CSMD1: variants seen among roughly 807,000 people sequenced by gnomAD.
The protein encoded by CSMD1 is CUB and sushi domain-containing protein 1.
In CSMD1, 213 loss-of-function variants were observed where a neutral mutation model predicts 417.5. That is an observed-to-expected ratio of 0.51 (90% CI 0.46 to 0.57). The LOEUF is 0.57. Among genes scored for constraint, CSMD1 ranks in the 20% least tolerant of loss-of-function variants. The pLI is 0.00. For synonymous variants in CSMD1, 2,862 were observed against 1,736.8 expected (o/e 1.65, Z -16.11); for missense variants, 6,923 against 4,529.7 (o/e 1.53, Z -15.17).
At chr8:4,050,746 C>G (rs559942847) in intron 3 of CSMD1, among the ~76,000 whole-genome samples, 116 of 152,236 alleles carry the variant, frequency 7.6e-4, no homozygotes, top group Non-Finnish European at 1.3e-3. Flanking sequence ...AGTCACTAAA[C>G]TATAAATGCC....
chr8:4,820,847 G>C (rs952095016), intron 1 of CSMD1, among the ~76,000 whole-genome samples: 7 of 152,132 alleles, frequency 4.6e-5, no homozygotes, highest in African/African-American at 1.4e-4. Context: ...AAATACTAAT[G>C]CAAGAATAAT....
In CSMD1 at chr8:4,180,389, G is replaced by C. The variant is rs956756013; in HGVS notation, c.416-148290C>G. Among the ~76,000 whole-genome samples the C allele has an allele frequency of 2.3e-4, 32 of 139,974 alleles. 1 individual carries two copies. Among genetic ancestry groups the C allele is most frequent in the African/African-American group, 6.7e-4 (25 of 37,260 alleles). 91.8% of individuals were successfully genotyped at this position (139,974 alleles called of 152,430 possible). ...GGGAATTGAAAAATGAGAACACATG[G>C]ACACAGGAAGGGGAACATCACACTC... On this transcript the variant is annotated intron_variant, in intron 3 of 69. Transcript: ENST00000635120.
At chr8:4,683,649 C>T (rs1169431121) in intron 1 of CSMD1, among the ~76,000 whole-genome samples, 2 of 152,224 alleles carry the variant, frequency 1.3e-5, no homozygotes, top group African/African-American at 4.8e-5. Context: ...GAAGGCGGCC[C>T]TGGAGTGTGG....
chr8:3,313,610 T>A (rs950133681), intron 23 of CSMD1, among the ~76,000 whole-genome samples: 6 of 152,090 alleles, frequency 3.9e-5, no homozygotes, highest in Non-Finnish European at 7.4e-5. Flanking sequence ...CATTAAAAAG[T>A]CAGGAAACAA....
intron 1 of CSMD1, among the ~76,000 whole-genome samples, chr8:4,855,125 A>C (rs2116849165): frequency 6.6e-6 from 1 of 151,828 alleles, no homozygotes; most frequent in South Asian, 2.1e-4. Flanking sequence ...CGAGCAGCCT[A>C]ACTGGGAGGC....
chr8:3,524,359 G>A (rs987408062), intron 10 of CSMD1, among the ~76,000 whole-genome samples: 4 of 143,134 alleles, frequency 2.8e-5, no homozygotes, highest in Admixed American at 2.8e-4. Context: ...AGAAAGACAG[G>A]CGCACACAAG....
intron 3 of CSMD1, among the ~76,000 whole-genome samples, chr8:4,234,666 G>A (rs1053000876): frequency 2.6e-5 from 4 of 152,152 alleles, no homozygotes; most frequent in East Asian, 1.9e-4. Context: ...GATGGCAGGT[G>A]CTAAATAAAC....
At chr8:4,720,196 T>G (rs1305417331) in intron 1 of CSMD1, among the ~76,000 whole-genome samples, 2 of 151,100 alleles carry the variant, frequency 1.3e-5, no homozygotes, top group Admixed American at 1.3e-4. Context: ...TTATATTTCA[T>G]ATACTTTTGT....
chr8:4,127,642 C>A (rs181684739), intron 3 of CSMD1, among the ~76,000 whole-genome samples: 2 of 152,072 alleles, frequency 1.3e-5, no homozygotes, highest in East Asian at 3.9e-4. Flanking sequence ...ATATTAGAAC[C>A]ACTCACCCCC....
At chr8:4,843,232 G>A (rs1351742690) in intron 1 of CSMD1, among the ~76,000 whole-genome samples, 3 of 152,078 alleles carry the variant, frequency 2.0e-5, no homozygotes, top group Admixed American at 6.5e-5. Context: ...TGCATCTTGT[G>A]ATTCTAGGGG....
At chr8:4,208,351 G>A (rs761647935) in intron 3 of CSMD1, among the ~76,000 whole-genome samples, 2 of 152,128 alleles carry the variant, frequency 1.3e-5, no homozygotes, top group Non-Finnish European at 2.9e-5. Flanking sequence ...AATCCTTCCT[G>A]GAGTAAGAGG....
chr8:4,061,759 A>G (rs1319503874), intron 3 of CSMD1, among the ~76,000 whole-genome samples: 2 of 152,194 alleles, frequency 1.3e-5, no homozygotes, highest in South Asian at 2.1e-4. Context: ...ACCTCTCTGC[A>G]TGTTCAGTAC....
At chr8:3,508,944 G>T (rs746582983) in intron 10 of CSMD1, among the ~76,000 whole-genome samples, 1 of 152,166 alleles carries the variant, frequency 6.6e-6, no homozygotes, top group African/African-American at 2.4e-5. Flanking sequence ...AGAACTTAAA[G>T]TCCTCATGCT....
chr8:4,138,044 A>ATTTTTT lies in CSMD1; in HGVS notation c.416-105951_416-105946dup, dbSNP rs55993904. ...AGGCGCCCGCCACCATGCCCGGCTA[A>ATTTTTT]TTTTTTTTTTTTTTTTTTTTTTTTT... is the stretch of plus-strand genomic sequence containing the variant. On this transcript the variant is annotated intron_variant, in intron 3 of 69. Coordinates refer to ENST00000635120, the MANE Select transcript of CSMD1 (RefSeq NM_033225.6). 3.3e-4 allele frequency among the ~76,000 whole-genome samples: 21 copies of ATTTTTT among 62,706 alleles called. 1 individual carries two copies. The highest frequency in any genetic ancestry group is 1.0e-3 in the East Asian group (2 of 1,994). The allele number at this position is 62,706 out of a possible 152,430, so 41.1% of individuals were successfully genotyped here.
chr8:3,948,012 C>A (rs1004928780), intron 5 of CSMD1, among the ~76,000 whole-genome samples: 4 of 152,206 alleles, frequency 2.6e-5, no homozygotes, highest in African/African-American at 9.6e-5. Flanking sequence ...TCGAGACCAG[C>A]CTGGCCAACA....
intron 26 of CSMD1, among the ~76,000 whole-genome samples, chr8:3,241,008 G>T (rs1035239804): frequency 1.3e-5 from 2 of 150,292 alleles, no homozygotes; most frequent in African/African-American, 4.9e-5. Context: ...AGATGATAAG[G>T]GGTGCATGAT....
At chr8:4,927,127 A>G (rs1806923088) in intron 1 of CSMD1, among the ~76,000 whole-genome samples, 1 of 150,452 alleles carries the variant, frequency 6.6e-6, no homozygotes, top group African/African-American at 2.4e-5. Context: ...TATTATTAAG[A>G]TAGACACTCA....
At chr8:3,873,019 C>G (rs2975358) in intron 5 of CSMD1, among the ~76,000 whole-genome samples, 31,726 of 151,870 alleles carry the variant, frequency 0.21, 3,380 homozygotes, top group East Asian at 0.36. Flanking sequence ...TCTCACACTA[C>G]TCAGAATTGT....
intron 2 of CSMD1, among the ~76,000 whole-genome samples, chr8:4,468,779 G>C (rs958115974): frequency 6.6e-6 from 1 of 152,176 alleles, no homozygotes; most frequent in African/African-American, 2.4e-5. Flanking sequence ...AGCATGTCCT[G>C]TGTTTTTCAT....
Sources: allele counts gnomAD v4.1 joint callset (sites outside exome capture counted in the v4.1 genomes callset), GRCh38; gene constraint gnomAD v4.1.1; transcripts MANE v1.5; gene names NCBI Gene and HGNC (gene_info 2026-07-23, HGNC 2026-07-21).